PPFIBP2: variants seen among roughly 807,000 people sequenced by gnomAD.
PPFIBP2 encodes liprin-beta-2.
In PPFIBP2, 118 loss-of-function variants were observed where a neutral mutation model predicts 118.3. The observed-to-expected ratio is 1.00, with a 90% CI of 0.86 to 1.16. The LOEUF is 1.16. Ranked by LOEUF, PPFIBP2 falls within the 50% of genes most tolerant of loss-of-function variation. The pLI is 0.00. For missense variants in PPFIBP2, 1,195 were observed against 1,073.1 expected (o/e 1.11, Z -1.59); for synonymous variants, 414 against 397.4 (o/e 1.04, Z -0.50).
At chr11:7,638,786 C>T (rs1322521820) in intron 14 of PPFIBP2, among the ~76,000 whole-genome samples, 1 of 152,192 alleles carries the variant, frequency 6.6e-6, no homozygotes, top group Non-Finnish European at 1.5e-5. Flanking sequence ...TTAAGAGAGG[C>T]CATTGTATGC....
rs939181342 is a variant in PPFIBP2, at chr11:7,610,170, A to C, written c.487-121A>C. On this transcript the variant is annotated intron_variant, in intron 5 of 23. Coordinates refer to ENST00000299492, the MANE Select transcript of PPFIBP2 (RefSeq NM_003621.5). ...AATAGGCCTGTGACTCTCATGTAGC[A>C]GTCTCAATTCTGTGTTGTTGAACAC... The C allele has an allele frequency of 2.3e-4, 291 of 1,250,194 alleles. 4 individuals carry two copies. The East Asian group carries it at 6.7e-3, about 29-fold the overall frequency. 77.4% of individuals were successfully genotyped at this position (1,250,194 alleles called of 1,614,324 possible).
At chr11:7,546,907 A>G (rs770222407) in intron 1 of PPFIBP2, among the ~76,000 whole-genome samples, 5 of 152,186 alleles carry the variant, frequency 3.3e-5, no homozygotes, top group Non-Finnish European at 7.3e-5. Context: ...CGTCTCTTCC[A>G]CTAGATTGTG....
chr11:7,617,241 G>A, intron 6 of PPFIBP2: 5 of 985,462 alleles, frequency 5.1e-6, no homozygotes, highest in Non-Finnish European at 6.0e-6. Flanking sequence ...CAGCGACGGT[G>A]TGGCCGAGCC....
At position 7,570,685 on chromosome 11, in the gene PPFIBP2, C is replaced by G. The variant is rs567119637; in HGVS notation, c.279+4918C>G. On this transcript the variant is annotated intron_variant, in intron 3 of 23. Transcript: ENST00000299492. Reference sequence around the variant, plus strand: ...GAACCCAGGCTTTTCTTTGCAAGGTCTCAAGAGTCCTGGTCAGTGTGCTTG... The same window carrying G: ...GAACCCAGGCTTTTCTTTGCAAGGTGTCAAGAGTCCTGGTCAGTGTGCTTG... 3.3e-5 allele frequency among the ~76,000 whole-genome samples: 5 copies of G among 152,202 alleles called. No individual in the cohort carries two copies. The South Asian group carries it at 1.0e-3, about 32-fold the overall frequency.
At chr11:7,660,125 T>C (rs1263712144), downstream of PPFIBP2, among the ~76,000 whole-genome samples, 5 of 126,654 alleles carry the variant, frequency 3.9e-5, no homozygotes, top group African/African-American at 1.3e-4. Flanking sequence ...CTTTTCCTAA[T>C]TGAATACCTT....
At chr11:7,665,197 G>A in the PPFIBP2 span, 764 of 506,644 alleles carry the variant, frequency 1.5e-3, 5 homozygotes, top group African/African-American at 0.014. Flanking sequence ...CCAGCAGCCA[G>A]TCTCCAGCCC....
At chr11:7,644,641 A>G (rs1401419514) in intron 17 of PPFIBP2, among the ~76,000 whole-genome samples, 1 of 152,176 alleles carries the variant, frequency 6.6e-6, no homozygotes, top group Non-Finnish European at 1.5e-5. Context: ...CTTAAGCTTC[A>G]GGGACCCTCC....
At chr11:7,644,797 G>T (rs1852734002) in intron 17 of PPFIBP2, among the ~76,000 whole-genome samples, 2 of 151,888 alleles carry the variant, frequency 1.3e-5, no homozygotes, top group Non-Finnish European at 2.9e-5. Flanking sequence ...GGAGGCCGAG[G>T]CGGGCGGATC....
chr11:7,646,106 T>C (rs1853014236), intron 17 of PPFIBP2, among the ~76,000 whole-genome samples: 1 of 152,202 alleles, frequency 6.6e-6, no homozygotes, highest in Admixed American at 6.5e-5. Context: ...CCCTCTAGAT[T>C]GTTGTTCATA....
At chr11:7,630,870 A>G in intron 10 of PPFIBP2, 55 bp from the exon 11 acceptor site, 1 of 1,280,166 alleles carries the variant, frequency 7.8e-7, no homozygotes, top group Non-Finnish European at 1.1e-6. Flanking sequence ...TGGTACGATT[A>G]TAGGTTTCTG....
At chr11:7,544,429 A>G (rs1353519848) in intron 1 of PPFIBP2, among the ~76,000 whole-genome samples, 2 of 152,042 alleles carry the variant, frequency 1.3e-5, no homozygotes, top group African/African-American at 4.8e-5. Flanking sequence ...TCTGTTGTCC[A>G]TGCTGTGTAA....
intron 2 of PPFIBP2, among the ~76,000 whole-genome samples, chr11:7,556,237 C>T (rs28694166): frequency 0.014 from 2,204 of 152,236 alleles, 82 homozygotes; most frequent in African/African-American, 0.05. Context: ...GGGCGAATCA[C>T]GAGGTCAGGA....
chr11:7,625,485 C>T (rs530794273), intron 7 of PPFIBP2, among the ~76,000 whole-genome samples: 2 of 152,368 alleles, frequency 1.3e-5, no homozygotes, highest in South Asian at 4.1e-4. Flanking sequence ...CTCCTCATCA[C>T]AATCCTAATC....
chr11:7,655,344 A>T, downstream of PPFIBP2: 2 of 1,046,116 alleles, frequency 1.9e-6, no homozygotes, highest in South Asian at 1.3e-5. Context: ...TGGAGAAGCC[A>T]GGCTTGAGCA....
downstream of PPFIBP2, chr11:7,655,537 C>T (rs1416878779): frequency 1.3e-5 from 16 of 1,274,036 alleles, no homozygotes; most frequent in Non-Finnish European, 1.5e-5. Context: ...AGACTGGTGC[C>T]AGGGAGGCCC....
At chr11:7,572,496 G>C (rs1328536193) in intron 3 of PPFIBP2, among the ~76,000 whole-genome samples, 2 of 152,166 alleles carry the variant, frequency 1.3e-5, no homozygotes, top group African/African-American at 4.8e-5. Context: ...CCAAGAATGT[G>C]CAAACACTGG....
downstream of PPFIBP2, among the ~76,000 whole-genome samples, chr11:7,660,898 T>G (rs7930688): frequency 0.31 from 47,043 of 150,824 alleles, 8,799 homozygotes; most frequent in Non-Finnish European, 0.42. Context: ...GTCGAGGAAT[T>G]TATCCATTTC....
chr11:7,576,702 G>C (rs1472192491), intron 3 of PPFIBP2: 1 of 152,524 alleles, frequency 6.6e-6, no homozygotes, highest in Admixed American at 6.5e-5. Context: ...TGGCCCCCAG[G>C]GTGCCCTGGC....
At position 7,597,689 on chromosome 11, in the gene PPFIBP2, C is replaced by A; in HGVS notation, c.486+16C>A. On this transcript the variant is annotated intron_variant, in intron 5 of 23. Coordinates refer to ENST00000299492, the MANE Select transcript of PPFIBP2 (RefSeq NM_003621.5). ...GCTTCAACAGGTAAGGGCGGGTGCA[C>A]TGAAGGCCCTTGGGTGCCGAAGCAG... 1 of 1,600,258 alleles carries A rather than the reference C, an allele frequency of 6.2e-7. No individual in the cohort carries two copies. Among genetic ancestry groups the A allele is most frequent in the Non-Finnish European group, 8.6e-7 (1 of 1,168,326 alleles).
Sources: allele counts gnomAD v4.1 joint callset (sites outside exome capture counted in the v4.1 genomes callset), GRCh38; gene constraint gnomAD v4.1.1; transcripts MANE v1.5; gene names NCBI Gene and HGNC (gene_info 2026-07-23, HGNC 2026-07-21).